Variants in DDAH1 observed in about 807,000 individuals in gnomAD.
DDAH1 encodes dimethylarginine dimethylaminohydrolase 1.
A neutral mutation model predicts 28.8 loss-of-function variants in DDAH1; 19 were observed. The ratio of observed to expected loss-of-function variants is 0.66; its 90% CI spans 0.46 to 0.97. The LOEUF (loss-of-function observed/expected upper bound fraction) is 0.97, where lower values mean the gene tolerates loss of function less well. Among genes scored for constraint, DDAH1 ranks in the 50% least tolerant of loss-of-function variants. The pLI, the probability that DDAH1 is intolerant of heterozygous loss-of-function variation, is 0.00. For synonymous variants in DDAH1, 153 were observed against 154.4 expected, an observed-to-expected ratio of 0.99 and a Z score of 0.07; for missense variants, 326 against 375.9, an observed-to-expected ratio of 0.87 and a Z score of 1.10.
At chr1:85,427,370 A>AT (rs1306362605) in intron 1 of DDAH1, among the ~76,000 whole-genome samples, 2 of 152,000 alleles carry the variant, frequency 1.3e-5, no homozygotes, top group East Asian at 3.9e-4. Flanking sequence ...ATTTTCTGAA[A>AT]TTTTTTAATG....
At chr1:85,335,186 A>G (rs1648028715) in intron 4 of DDAH1, among the ~76,000 whole-genome samples, 1 of 152,192 alleles carries the variant, frequency 6.6e-6, no homozygotes, top group African/African-American at 2.4e-5. Flanking sequence ...CACAATGATA[A>G]ACAGTAAGAG....
At chr1:85,470,452 T>C (rs375389816) in intron 2 of DDAH1, among the ~76,000 whole-genome samples, 1 of 152,216 alleles carries the variant, frequency 6.6e-6, no homozygotes, top group Non-Finnish European at 1.5e-5. Context: ...GTGGGAATTA[T>C]GGGAGCTACA....
chr1:85,336,447 A>T (rs1192530719), intron 4 of DDAH1, among the ~76,000 whole-genome samples: 1 of 152,160 alleles, frequency 6.6e-6, no homozygotes, highest in Non-Finnish European at 1.5e-5. Context: ...TACAAGGTCA[A>T]TGAAGAAATT....
intron 1 of DDAH1, among the ~76,000 whole-genome samples, chr1:85,511,562 C>G (rs904162985): frequency 5.9e-5 from 9 of 152,226 alleles, no homozygotes; most frequent in Admixed American, 2.0e-4. Context: ...AATCCAGGAG[C>G]TGGTTTTTTG....
At chr1:85,509,780 G>A (rs12135575) in intron 1 of DDAH1, among the ~76,000 whole-genome samples, 2 of 152,096 alleles carry the variant, frequency 1.3e-5, no homozygotes, top group Non-Finnish European at 2.9e-5. Context: ...GAGACGACAA[G>A]GTTAGAGAAA....
At chr1:85,436,053 G>A (rs946605596) in intron 1 of DDAH1, among the ~76,000 whole-genome samples, 27 of 151,574 alleles carry the variant, frequency 1.8e-4, no homozygotes, top group African/African-American at 5.6e-4. Context: ...TGCCCACATC[G>A]GCCTCCCAAA....
At chr1:85,468,056 A>T (rs1004449323), upstream of DDAH1, among the ~76,000 whole-genome samples, 2 of 152,220 alleles carry the variant, frequency 1.3e-5, no homozygotes, top group Non-Finnish European at 2.9e-5. Flanking sequence ...GATGTGAGTA[A>T]CTGAAGGAGA....
intron 1 of DDAH1, among the ~76,000 whole-genome samples, chr1:85,574,089 ATC>A (rs1248167346): frequency 3.9e-5 from 6 of 152,212 alleles, no homozygotes; most frequent in Non-Finnish European, 8.8e-5. Context: ...GATCTCTAGT[ATC>A]TCTTTTTAAA....
intron 1 of DDAH1, among the ~76,000 whole-genome samples, chr1:85,498,302 C>G (rs903179990): frequency 3.3e-5 from 5 of 152,160 alleles, no homozygotes; most frequent in South Asian, 2.1e-4. Context: ...ATACAGTAAT[C>G]AGAGTAAACC....
chr1:85,323,788 T>A (rs1338467479), intron 5 of DDAH1, among the ~76,000 whole-genome samples: 2 of 151,650 alleles, frequency 1.3e-5, no homozygotes, highest in African/African-American at 4.8e-5. Context: ...TTGGGCAACA[T>A]AAGGAGACCC....
chr1:85,404,368 CA>C, intron 1 of DDAH1: 1 of 1,535,052 alleles, frequency 6.5e-7, no homozygotes. Flanking sequence ...TGCTAAGCTT[CA>C]TTTGTCCTTA....
At chr1:85,523,657 G>T in intron 1 of DDAH1, among the ~76,000 whole-genome samples, 1 of 151,664 alleles carries the variant, frequency 6.6e-6, no homozygotes, top group East Asian at 1.9e-4. Flanking sequence ...CAAGAATTAA[G>T]TGAGTGAGTG....
At chr1:85,540,883 C>A (rs1658451640) in intron 1 of DDAH1, among the ~76,000 whole-genome samples, 1 of 149,588 alleles carries the variant, frequency 6.7e-6, no homozygotes, top group African/African-American at 2.5e-5. Context: ...TTGCTTAAGC[C>A]TGGGAGGCAG....
At chr1:85,461,125 A>T (rs1655104333) in intron 1 of DDAH1, among the ~76,000 whole-genome samples, 1 of 151,072 alleles carries the variant, frequency 6.6e-6, no homozygotes, top group Non-Finnish European at 1.5e-5. Context: ...AAAAACAAAC[A>T]AACAGAGAAG....
intron 2 of DDAH1, among the ~76,000 whole-genome samples, chr1:85,485,802 A>G (rs1040085457): frequency 6.6e-6 from 1 of 152,210 alleles, no homozygotes; most frequent in East Asian, 1.9e-4. Flanking sequence ...TTATGCAAGC[A>G]TGTCTAAATA....
chr1:85,445,773 A>AT (rs924940115), intron 1 of DDAH1, among the ~76,000 whole-genome samples: 9 of 151,466 alleles, frequency 5.9e-5, no homozygotes, highest in African/African-American at 1.5e-4. Context: ...TTCCCAGATA[A>AT]TTTTTTTTTA....
chr1:85,468,199 A>G (rs1449797106), upstream of DDAH1, among the ~76,000 whole-genome samples: 1 of 152,200 alleles, frequency 6.6e-6, no homozygotes, highest in Non-Finnish European at 1.5e-5. Context: ...TCTCTTGTTC[A>G]CTCAAAGTCT....
intron 1 of DDAH1, among the ~76,000 whole-genome samples, chr1:85,542,117 T>C (rs945803610): frequency 6.6e-6 from 1 of 152,206 alleles, no homozygotes; most frequent in Admixed American, 6.5e-5. Context: ...TCCTTTCACC[T>C]AAGGTCATAT....
At chr1:85,557,428 A>T (rs547418094) in intron 1 of DDAH1, among the ~76,000 whole-genome samples, 2 of 152,212 alleles carry the variant, frequency 1.3e-5, no homozygotes, top group Non-Finnish European at 2.9e-5. Context: ...TCCTCATTTG[A>T]GAGATGAGAA....
Sources: allele counts gnomAD v4.1 joint callset (sites outside exome capture counted in the v4.1 genomes callset), GRCh38; gene constraint gnomAD v4.1.1; transcripts MANE v1.5; gene names NCBI Gene and HGNC (gene_info 2026-07-23, HGNC 2026-07-21).